Variants in EPHB1 observed in about 807,000 individuals in gnomAD.
The protein encoded by EPHB1 is ephrin type-B receptor 1.
A neutral mutation model predicts 94.4 loss-of-function variants in EPHB1; 30 were observed. The ratio of observed to expected loss-of-function variants is 0.32; its 90% confidence interval spans 0.24 to 0.43. The LOEUF (loss-of-function observed/expected upper bound fraction) is 0.43. Ranked by LOEUF, EPHB1 falls within the 20% of genes least tolerant of loss-of-function variation. The pLI is 1.00. For synonymous variants in EPHB1, 522 were observed against 489.1 expected (o/e 1.07, Z -0.89); for missense variants, 1,055 against 1,308.3 (o/e 0.81, Z 2.99).
rs146557163 is a variant in EPHB1 at position 135,153,327 on chromosome 3, C to T, written c.1298-825C>T. On this transcript the variant is annotated intron_variant, in intron 5 of 15. Coordinates refer to ENST00000398015, the MANE Select transcript of EPHB1 (RefSeq NM_004441.5). ...AGCCTCATCCATTACCCACCTCTTC[C>T]CCTAGAAAGACAGCCCTCATTTATT... is the stretch of plus-strand genomic sequence containing the variant. 1.2e-4 allele frequency among the ~76,000 whole-genome samples: 19 copies of T among 152,302 alleles called. No homozygotes were observed. The East Asian group carries it at 3.5e-3, about 28-fold the overall frequency.
At chr3:135,044,157 T>C (rs1483316356) in intron 3 of EPHB1, among the ~76,000 whole-genome samples, 1 of 152,154 alleles carries the variant, frequency 6.6e-6, no homozygotes, top group African/African-American at 2.4e-5. Context: ...CTTGCCAGGA[T>C]GTGAAGGGGC....
chr3:135,252,056 C>G (rs1026410426), intron 15 of EPHB1, among the ~76,000 whole-genome samples: 3 of 151,924 alleles, frequency 2.0e-5, no homozygotes, highest in African/African-American at 7.3e-5. Flanking sequence ...TAATGCCCAT[C>G]TCATTAGTGT....
intron 3 of EPHB1, among the ~76,000 whole-genome samples, chr3:135,061,376 C>G (rs868804653): frequency 7.4e-6 from 1 of 135,326 alleles, no homozygotes; most frequent in Non-Finnish European, 1.6e-5. Flanking sequence ...CCACCCCCCC[C>G]GACCCAAGTC....
intron 10 of EPHB1, among the ~76,000 whole-genome samples, chr3:135,183,016 TTTTCTTTTCTTTTCTTTCTTTC>T (rs1191207048): frequency 1.9e-3 from 145 of 74,546 alleles, no homozygotes; most frequent in Middle Eastern, 7.5e-3. Context: ...TTTTCTTTTC[TTTTCTTTTCTTTTCTTTCTTTC>T]TTTCTTTCTT....
intron 3 of EPHB1, among the ~76,000 whole-genome samples, chr3:135,060,492 G>A (rs975185533): frequency 6.6e-6 from 1 of 152,076 alleles, no homozygotes; most frequent in African/African-American, 2.4e-5. Context: ...AAGTATTTAT[G>A]TATAACTTTT....
At chr3:134,831,060 A>G (rs973941407) in intron 1 of EPHB1, among the ~76,000 whole-genome samples, 8 of 152,210 alleles carry the variant, frequency 5.3e-5, no homozygotes, top group African/African-American at 1.9e-4. Flanking sequence ...AGCATCTTCC[A>G]TCTAACCAGA....
Position 134,834,896 on chromosome 3 carries a change from C to T in EPHB1, c.58+39207C>T, listed in dbSNP as rs191019233. ...GACAGAGAAGTCAGCCTGGGATTAG[C>T]ATTTTGATTTAAAGTTCAATGGGTA... On this transcript the variant is annotated intron_variant, in intron 1 of 15. Coordinates refer to ENST00000398015, the MANE Select transcript of EPHB1 (RefSeq NM_004441.5). 3.9e-4 allele frequency among the ~76,000 whole-genome samples: 60 copies of T among 152,304 alleles called. No individual in the cohort carries two copies. In the East Asian group the frequency reaches 7.1e-3, roughly 18 times the overall value.
At chr3:134,904,621 T>C (rs926112008) in intron 1 of EPHB1, among the ~76,000 whole-genome samples, 3 of 152,150 alleles carry the variant, frequency 2.0e-5, no homozygotes, top group Non-Finnish European at 4.4e-5. Flanking sequence ...CTGGGAGAAA[T>C]ACCTCCTCAC....
At chr3:135,038,899 C>T (rs1217499343) in intron 3 of EPHB1, among the ~76,000 whole-genome samples, 3 of 152,132 alleles carry the variant, frequency 2.0e-5, no homozygotes, top group African/African-American at 7.2e-5. Flanking sequence ...TCTTATCTGG[C>T]CCCACCCACA....
At chr3:135,158,861 A>G (rs889492851) in intron 6 of EPHB1, among the ~76,000 whole-genome samples, 1 of 152,224 alleles carries the variant, frequency 6.6e-6, no homozygotes, top group African/African-American at 2.4e-5. Context: ...CTCGCTCTTC[A>G]TAATAACTAT....
intron 10 of EPHB1, 126 bp downstream of exon 10, chr3:135,180,108 C>A: frequency 8.9e-7 from 1 of 1,128,146 alleles, no homozygotes; most frequent in Non-Finnish European, 1.3e-6. Flanking sequence ...TCTTTCTCCT[C>A]AGAAGATGAG....
chr3:134,804,427 C>T (rs2035996850), intron 1 of EPHB1, among the ~76,000 whole-genome samples: 1 of 92,044 alleles, frequency 1.1e-5, no homozygotes, highest in Non-Finnish European at 3.0e-5. Context: ...CTGGGAGCTA[C>T]AACTCAAGTT....
intron 12 of EPHB1, among the ~76,000 whole-genome samples, chr3:135,204,641 C>T (rs1942848629): frequency 6.6e-6 from 1 of 151,662 alleles, no homozygotes; most frequent in Non-Finnish European, 1.5e-5. Context: ...GCTGGGACTA[C>T]AGATGTGCGC....
intron 1 of EPHB1, among the ~76,000 whole-genome samples, chr3:134,817,167 T>A (rs573797478): frequency 1.2e-4 from 18 of 152,278 alleles, no homozygotes; most frequent in Non-Finnish European, 2.5e-4. Context: ...AACCATGGAC[T>A]ATGGGCTGCC....
At position 135,076,234 on chromosome 3, in the gene EPHB1, G is replaced by GATATATATATATATATAT. The variant is rs60727518; in HGVS notation, c.806-30204_806-30187dup. On this transcript the variant is annotated intron_variant, in intron 3 of 15. Coordinates refer to ENST00000398015, the MANE Select transcript of EPHB1 (RefSeq NM_004441.5). ...TTTGTATATCATTTATCTGAAAAGG[G>GATATATATATATATATAT]ATATATATATATATATATATATATA... 1.2e-3 allele frequency among the ~76,000 whole-genome samples: 157 copies of GATATATATATATATATAT among 131,116 alleles called. 3 individuals carry two copies. Among genetic ancestry groups the GATATATATATATATATAT allele is most frequent in the African/African-American group, 3.8e-3 (102 of 26,982 alleles). The allele number at this position is 131,116 out of a possible 152,430, so 86.0% of individuals were successfully genotyped here. A position where few individuals can be genotyped will look rare whatever the true frequency, so the allele number is the denominator to read the frequency against.
intron 5 of EPHB1, among the ~76,000 whole-genome samples, chr3:135,136,304 A>G (rs1463733658): frequency 1.3e-5 from 2 of 152,172 alleles, no homozygotes; most frequent in Non-Finnish European, 2.9e-5. Context: ...TCTGAGATTC[A>G]GAGAGCCTTC....
chr3:134,985,006 C>A (rs1363385397), intron 3 of EPHB1, among the ~76,000 whole-genome samples: 1 of 152,116 alleles, frequency 6.6e-6, no homozygotes, highest in Non-Finnish European at 1.5e-5. Context: ...CCAGTGTGGA[C>A]CAGCACCCTG....
chr3:135,108,853 A>G (rs1333172823), intron 4 of EPHB1, among the ~76,000 whole-genome samples: 1 of 152,198 alleles, frequency 6.6e-6, no homozygotes, highest in Non-Finnish European at 1.5e-5. Context: ...AGCTAGAGGC[A>G]GGTGACAAGT....
At position 135,249,384 on chromosome 3, in the gene EPHB1, T is replaced by C; in HGVS notation, c.2739T>C (p.Phe913=). The C allele has an allele frequency of 2.5e-6, 4 of 1,613,972 alleles. No individual in the cohort carries two copies. Among genetic ancestry groups the C allele is most frequent in the Non-Finnish European group, 3.4e-6 (4 of 1,179,874 alleles). ...LDRSIPDFTA[F]TTVDDWLSAI... ...GCTCCATCCCAGACTTCACGGCCTT[T>C]ACCACCGTGGATGACTGGCTCAGCG... The change falls in exon 15 of 16, where the codon TTT becomes TTC. Residue 913 remains phenylalanine, a synonymous_variant. Transcript: ENST00000398015.
Sources: allele counts gnomAD v4.1 joint callset (sites outside exome capture counted in the v4.1 genomes callset), GRCh38; gene constraint gnomAD v4.1.1; transcripts MANE v1.5; gene names NCBI Gene and HGNC (gene_info 2026-07-23, HGNC 2026-07-21).